SEMA5A: variants seen among roughly 807,000 people sequenced by gnomAD.
SEMA5A encodes the protein semaphorin-5A.
In SEMA5A, 55 loss-of-function variants were observed where a neutral mutation model predicts 135.5. That is an observed-to-expected ratio of 0.41 (90% confidence interval 0.33 to 0.51). The LOEUF (loss-of-function observed/expected upper bound fraction) is 0.51. SEMA5A is among the 20% of genes least tolerant of loss of function. The pLI, the probability that SEMA5A is intolerant of heterozygous loss-of-function variation, is 0.37. For synonymous variants in SEMA5A, 580 were observed against 546.5 expected (o/e 1.06, Z -0.85); for missense variants, 1,290 against 1,419.9 (o/e 0.91, Z 1.47).
At chr5:9,162,486 ATATG>A in intron 11 of SEMA5A, among the ~76,000 whole-genome samples, 1 of 82,506 alleles carries the variant, frequency 1.2e-5, no homozygotes, top group Non-Finnish European at 3.5e-5. Context: ...GTGTGTGTAT[ATATG>A]TATATGTGTA....
intron 1 of SEMA5A, chr5:9,523,013 G>A (rs1322492151): frequency 6.6e-6 from 1 of 152,120 alleles, no homozygotes; most frequent in African/African-American, 2.4e-5. Flanking sequence ...AAAGCAAGTA[G>A]TAAGTAATAA....
At chr5:9,395,931 C>T (rs550555392) in intron 2 of SEMA5A, among the ~76,000 whole-genome samples, 34 of 152,258 alleles carry the variant, frequency 2.2e-4, no homozygotes, top group Admixed American at 3.9e-4. Context: ...GGAGATGGGG[C>T]TGTGCTTTAA....
chr5:9,535,922 T>C (rs1030599663), intron 1 of SEMA5A, among the ~76,000 whole-genome samples: 2 of 152,176 alleles, frequency 1.3e-5, no homozygotes, highest in African/African-American at 2.4e-5. Context: ...TAGCCATACG[T>C]GCCTGTCATA....
intron 2 of SEMA5A, among the ~76,000 whole-genome samples, chr5:9,395,304 A>T (rs1756340388): frequency 6.6e-6 from 1 of 152,194 alleles, no homozygotes; most frequent in South Asian, 2.1e-4. Flanking sequence ...AAACCTTCAT[A>T]AAGCAGAGGT....
At chr5:9,133,030 A>C (rs1024451126) in intron 13 of SEMA5A, among the ~76,000 whole-genome samples, 5 of 152,202 alleles carry the variant, frequency 3.3e-5, no homozygotes, top group African/African-American at 1.2e-4. Flanking sequence ...CTTGCAATCC[A>C]TGAGAGTGTT....
intron 5 of SEMA5A, among the ~76,000 whole-genome samples, chr5:9,299,129 G>A (rs1368508283): frequency 2.0e-5 from 3 of 152,100 alleles, no homozygotes; most frequent in East Asian, 3.9e-4. Flanking sequence ...GAAGAAGGGG[G>A]CATCTTTACC....
chr5:9,441,631 C>T (rs1332493679), intron 1 of SEMA5A, among the ~76,000 whole-genome samples: 1 of 152,114 alleles, frequency 6.6e-6, no homozygotes, highest in Admixed American at 6.5e-5. Flanking sequence ...AGAAATCTGG[C>T]CTCATGCTCA....
intron 3 of SEMA5A, among the ~76,000 whole-genome samples, chr5:9,339,401 C>T (rs1753544351): frequency 6.6e-6 from 1 of 152,070 alleles, no homozygotes; most frequent in Admixed American, 6.5e-5. Context: ...CCCCTGTGGC[C>T]ATAACTGGTA....
chr5:9,197,728 TTGTGTGTGTGTGTGTGTGTGTG>T (rs70943946), intron 9 of SEMA5A, among the ~76,000 whole-genome samples: 2 of 59,284 alleles, frequency 3.4e-5, no homozygotes, highest in East Asian at 9.7e-4. Flanking sequence ...GGAAAGCTGT[TTGTGTGTGTGTGTGTGTGTGTG>T]TGTGTGTGTG....
At chr5:9,383,698 A>C (rs1350724220) in intron 2 of SEMA5A, among the ~76,000 whole-genome samples, 3 of 152,204 alleles carry the variant, frequency 2.0e-5, no homozygotes, top group African/African-American at 7.2e-5. Flanking sequence ...TGCACATCTA[A>C]GCCAACATAG....
intron 3 of SEMA5A, among the ~76,000 whole-genome samples, chr5:9,372,278 A>C (rs767989432): frequency 1.3e-5 from 2 of 152,250 alleles, no homozygotes; most frequent in Non-Finnish European, 2.9e-5. Flanking sequence ...TGCTTGGTGC[A>C]TTAGACACCA....
At chr5:9,227,008 T>G in intron 6 of SEMA5A, 41 bp from the exon 7 acceptor site, 1 of 1,006,140 alleles carries the variant, frequency 9.9e-7, no homozygotes, top group Non-Finnish European at 1.3e-6. Flanking sequence ...TATATATATA[T>G]ATGTATAATG....
Position 9,108,249 on chromosome 5 carries a change from A to G in SEMA5A, c.1964T>C (p.Phe655Ser). ...TTCCCAAGGACCCCAGCCTGTCCAGAACATGTGTGGGGGACATAGCAAATG... is the reference window on the plus strand; with the variant it reads ...TTCCCAAGGACCCCAGCCTGTCCAGGACATGTGTGGGGGACATAGCAAATG... ...NEHLLCPPHM[F>S]WTGWGPWERC... The change falls in exon 16 of 23, where the codon TTC becomes TCC. Residue 655 changes from phenylalanine to serine, a missense_variant. Coordinates refer to ENST00000382496, the MANE Select transcript of SEMA5A (RefSeq NM_003966.3). The G allele has an allele frequency of 6.2e-7, 1 of 1,614,192 alleles. No homozygotes were observed. Among genetic ancestry groups the G allele is most frequent in the Non-Finnish European group, 8.5e-7 (1 of 1,180,032 alleles).
chr5:9,445,618 G>A (rs535667590), intron 1 of SEMA5A, among the ~76,000 whole-genome samples: 8 of 152,034 alleles, frequency 5.3e-5, no homozygotes, highest in African/African-American at 1.7e-4. Flanking sequence ...GCAATGAGCC[G>A]AGATGGCACC....
At chr5:9,345,009 C>A (rs1319399543) in intron 3 of SEMA5A, among the ~76,000 whole-genome samples, 2 of 152,134 alleles carry the variant, frequency 1.3e-5, no homozygotes, top group Admixed American at 6.5e-5. Context: ...CCCATCACAG[C>A]ACTAGTAGAA....
chr5:9,449,010 G>A (rs1321440431), intron 1 of SEMA5A, among the ~76,000 whole-genome samples: 2 of 152,150 alleles, frequency 1.3e-5, no homozygotes, highest in Non-Finnish European at 2.9e-5. Context: ...GACAGGTGGC[G>A]ATTCCTCAAA....
chr5:9,159,132 T>C (rs571519151), intron 11 of SEMA5A, among the ~76,000 whole-genome samples: 4 of 152,332 alleles, frequency 2.6e-5, no homozygotes, highest in African/African-American at 9.6e-5. Context: ...ATGTTGGATA[T>C]ATGTAGCAAC....
rs71611400 is a variant in SEMA5A at position 9,088,637 on chromosome 5, A to AATATATATATATATATATAT, written c.2073+19483_2073+19502dup. Among the ~76,000 whole-genome samples, 307 of 107,042 alleles carry AATATATATATATATATATAT rather than the reference A, an allele frequency of 2.9e-3. 3 individuals carry two copies. Among genetic ancestry groups the AATATATATATATATATATAT allele is most frequent in the South Asian group, 5.7e-3 (18 of 3,174 alleles). The allele number at this position is 107,042 out of a possible 152,430, so 70.2% of individuals were successfully genotyped here. On this transcript the variant is annotated intron_variant, in intron 16 of 22. Coordinates refer to ENST00000382496, the MANE Select transcript of SEMA5A (RefSeq NM_003966.3). ...GCAGCAGCAGGAAGCCTACATTTAT[A>AATATATATATATATATATAT]ATATATATATATATATATATATACA...
At chr5:9,183,479 G>A (rs1282304770) in intron 11 of SEMA5A, among the ~76,000 whole-genome samples, 1 of 152,126 alleles carries the variant, frequency 6.6e-6, no homozygotes, top group Admixed American at 6.6e-5. Flanking sequence ...CGCCACAGAC[G>A]CCTGACCACC....
Sources: allele counts gnomAD v4.1 joint callset (sites outside exome capture counted in the v4.1 genomes callset), GRCh38; gene constraint gnomAD v4.1.1; transcripts MANE v1.5; gene names NCBI Gene and HGNC (gene_info 2026-07-23, HGNC 2026-07-21).